The following FNDC7 variants were observed in gnomAD, a reference collection of about 807,000 sequenced individuals.
FNDC7 encodes fibronectin type III domain-containing protein 7.
Under a neutral mutation model 74.2 loss-of-function variants are expected in FNDC7, and 66 were observed. The observed-to-expected ratio is 0.89, with a 90% confidence interval of 0.73 to 1.09. The LOEUF (loss-of-function observed/expected upper bound fraction) is 1.09. Ranked by LOEUF, FNDC7 falls within the 50% of genes least tolerant of loss-of-function variation. The pLI is 0.00. For missense variants in FNDC7, 829 were observed against 893.4 expected (o/e 0.93, Z 0.92); for synonymous variants, 307 against 330.2 (o/e 0.93, Z 0.76).
chr1:108,728,534 G>A, intron 7 of FNDC7, 98 bp from the exon 8 acceptor site: 1 of 1,436,248 alleles, frequency 7.0e-7, no homozygotes, highest in Middle Eastern at 2.1e-4. Flanking sequence ...GTTGAAAACT[G>A]TGATGATCTC....
intron 10 of FNDC7, among the ~76,000 whole-genome samples, chr1:108,735,769 G>A (rs1557793318): frequency 6.7e-6 from 1 of 148,634 alleles, no homozygotes; most frequent in Non-Finnish European, 1.5e-5. Flanking sequence ...AGTGTCCACT[G>A]TACTGGACAG....
intron 5 of FNDC7, among the ~76,000 whole-genome samples, 185 bp from the exon 6 acceptor site, chr1:108,725,565 C>T (rs1448570325): frequency 1.3e-5 from 2 of 152,160 alleles, no homozygotes; most frequent in African/African-American, 4.8e-5. Flanking sequence ...GTAACATAGC[C>T]TTTGGTCCTA....
At chr1:108,741,667 C>T in intron 11 of FNDC7, 106 bp from the exon 12 acceptor site, 2 of 1,149,662 alleles carry the variant, frequency 1.7e-6, no homozygotes, top group Non-Finnish European at 2.6e-6. Flanking sequence ...GCAAAAATAG[C>T]ATTTCAAATC....
rs890185022 is a variant in FNDC7 at position 108,718,916 on chromosome 1, A to T, written c.465A>T (p.Ile155=). The change falls in exon 4 of 13, where the codon ATA becomes ATT. Residue 155 remains isoleucine, a synonymous_variant. Transcript: ENST00000370017. The part of the protein sequence containing the change: ...SIMRANGLGS[I]WKENTTNTSL... ...TGCGAGCCAATGGCTTGGGGAGTAT[A>T]TGGAAAGAGAATACTACAAACACCT... 1 of 1,551,720 alleles carries T rather than the reference A, an allele frequency of 6.4e-7. No homozygotes were observed. Among genetic ancestry groups the T allele is most frequent in the Non-Finnish European group, 8.7e-7 (1 of 1,146,996 alleles).
At position 108,725,968 on chromosome 1, in the gene FNDC7, C is replaced by A; in HGVS notation, c.1075C>A (p.Gln359Lys). ...TGTTTTTGTCTATAACAAGGCAGGG[C>A]AAAGTCCTTTGGGTGACATATTCAA... ...ISVFVYNKAG[Q>K]SPLGDIFNYT... Residue 359 changes from glutamine to lysine, a missense_variant, in exon 6 of 13, where the codon CAA (glutamine) becomes AAA (lysine). Gln to Lys is a moderately conservative substitution (Grantham distance 53). Transcript: ENST00000370017. 1 of 1,614,146 alleles carries A rather than the reference C, an allele frequency of 6.2e-7. No individual in the cohort carries two copies. The highest frequency in any genetic ancestry group is 1.1e-5 in the South Asian group (1 of 91,078).
chr1:108,730,697 A>G lies in FNDC7; in HGVS notation c.1648A>G (p.Thr550Ala), dbSNP rs145712010. 8.2e-5 allele frequency: 131 copies of G among 1,594,054 alleles called. 1 individual carries two copies. In the East Asian group the frequency reaches 2.8e-3, roughly 35 times the overall value. ...ETVPCCPTGL[T>A]VTQITQSVIN... is the part of the protein sequence containing the mutation. ...AGTGCCATGCTGTCCAACCGGTCTG[A>G]CAGTAACTCAAATCACCCAGTCAGT... The change falls in exon 9 of 13, where the codon ACA becomes GCA. Residue 550 changes from threonine to alanine, a missense_variant. By Grantham distance (58) the Thr-to-Ala change is moderately conservative. Transcript: ENST00000370017.
At chr1:108,713,041 A>G in intron 1 of FNDC7, 45 bp downstream of exon 1, 3 of 1,495,014 alleles carry the variant, frequency 2.0e-6, no homozygotes, top group South Asian at 1.3e-5. Context: ...AGGGGAAAAA[A>G]GAAAGACACA....
chr1:108,723,722 A>C (rs1570727788), intron 5 of FNDC7, among the ~76,000 whole-genome samples: 1 of 152,266 alleles, frequency 6.6e-6, no homozygotes, highest in Non-Finnish European at 1.5e-5. Context: ...CATTTAATGC[A>C]GGGGAGAACC....
chr1:108,728,088 C>CT, intron 7 of FNDC7, 23 bp downstream of exon 7: 1 of 1,604,100 alleles, frequency 6.2e-7, no homozygotes, highest in African/African-American at 1.3e-5. Flanking sequence ...TATCATTCCA[C>CT]TCACTGGTGT....
intron 2 of FNDC7, among the ~76,000 whole-genome samples, chr1:108,716,320 G>GGTGTGTGTGTGTGTGTGTGT (rs141850435): frequency 5.2e-5 from 5 of 95,770 alleles, no homozygotes; most frequent in African/African-American, 1.9e-4. Flanking sequence ...GCAGAAGAGA[G>GGTGTGTGTGTGTGTGTGTGT]GTGTGTGTGT....
In FNDC7 at chr1:108,730,808, A is replaced by G. The variant is rs1372842025; in HGVS notation, c.1759A>G (p.Thr587Ala). 2 of 1,614,116 alleles carry G rather than the reference A, an allele frequency of 1.2e-6. No homozygotes were observed. The highest frequency in any genetic ancestry group is 1.7e-6 in the Non-Finnish European group (2 of 1,180,018). Residue 587 changes from threonine to alanine, a missense_variant, in exon 9 of 13, where the codon ACT becomes GCT. Transcript: ENST00000370017. Reference protein sequence around the residue: ...ESHTGQSKCHTHQNHCLLGCI... With the variant: ...ESHTGQSKCHAHQNHCLLGCI... ...ACACACTGGACAGTCTAAGTGTCAC[A>G]CTCATCAAAACCACTGCCTCCTAGG...
chr1:108,713,901 G>T (rs767000682), intron 2 of FNDC7, among the ~76,000 whole-genome samples: 1 of 152,066 alleles, frequency 6.6e-6, no homozygotes. Flanking sequence ...TTTATCTTCC[G>T]GGGAATTAGA....
At chr1:108,714,674 G>A (rs959526655) in intron 2 of FNDC7, among the ~76,000 whole-genome samples, 7 of 132,368 alleles carry the variant, frequency 5.3e-5, no homozygotes, top group African/African-American at 2.0e-4. Context: ...GTGCAATCTC[G>A]GTTCACTGCA....
Position 108,725,972 on chromosome 1 carries a change from G to T in FNDC7, c.1079G>T (p.Ser360Ile). Residue 360 changes from serine to isoleucine, a missense_variant, in exon 6 of 13, where the codon AGT becomes ATT. Ser to Ile is a moderately radical substitution (Grantham distance 142). Transcript: ENST00000370017. ...SVFVYNKAGQ[S>I]PLGDIFNYTT... ...TTTGTCTATAACAAGGCAGGGCAAA[G>T]TCCTTTGGGTGACATATTCAATTAT... The T allele has an allele frequency of 6.2e-7, 1 of 1,614,206 alleles. No homozygotes were observed. Among genetic ancestry groups the T allele is most frequent in the South Asian group, 1.1e-5 (1 of 91,084 alleles).
At chr1:108,735,314 C>T (rs1661484106) in intron 10 of FNDC7, among the ~76,000 whole-genome samples, 1 of 152,230 alleles carries the variant, frequency 6.6e-6, no homozygotes, top group Admixed American at 6.5e-5. Flanking sequence ...TCCCTGTCCT[C>T]ACTCCAGCCT....
At chr1:108,729,121 T>G (rs576435549) in intron 8 of FNDC7, among the ~76,000 whole-genome samples, 2 of 152,378 alleles carry the variant, frequency 1.3e-5, no homozygotes, top group African/African-American at 4.8e-5. Context: ...GAATACTTAC[T>G]CATTCTGCAA....
chr1:108,727,044 G>A (rs114428969), intron 6 of FNDC7, among the ~76,000 whole-genome samples: 1,650 of 152,166 alleles, frequency 0.011, 28 homozygotes, highest in African/African-American at 0.038. Context: ...ACCTATATAC[G>A]GCCGGGCACA....
At chr1:108,732,638 C>T (rs1344099227) in intron 9 of FNDC7, among the ~76,000 whole-genome samples, 1 of 152,154 alleles carries the variant, frequency 6.6e-6, no homozygotes, top group Non-Finnish European at 1.5e-5. Context: ...TCTGACTCAC[C>T]ATTGTTCTGT....
chr1:108,714,837 C>T (rs1024886704), intron 2 of FNDC7, among the ~76,000 whole-genome samples: 4 of 151,972 alleles, frequency 2.6e-5, no homozygotes, highest in South Asian at 4.2e-4. Flanking sequence ...TCATGATCCG[C>T]CCGCCTCGGC....
Sources: gnomAD v4.1 joint callset for allele counts (sites outside exome capture counted in the v4.1 genomes callset) on GRCh38, gnomAD v4.1.1 for gene constraint, MANE v1.5 for transcripts, NCBI Gene and HGNC (gene_info 2026-07-23, HGNC 2026-07-21) for gene names.